The following EPHA5 variants were observed in gnomAD, a reference collection of about 807,000 sequenced individuals.
EPHA5 encodes the protein ephrin type-A receptor 5.
In EPHA5, 60 loss-of-function variants were observed where a neutral mutation model predicts 105.0. The ratio of observed to expected loss-of-function variants is 0.57; its 90% CI spans 0.46 to 0.71. The LOEUF is 0.71. EPHA5 is among the 30% of genes least tolerant of loss of function. The probability of loss-of-function intolerance (pLI) is 0.00; values close to 1 mark genes in which losing one functional copy is unlikely to be tolerated. For missense variants in EPHA5, 1,218 were observed against 1,274.7 expected, an observed-to-expected ratio of 0.96 and a Z score of 0.68; for synonymous variants, 513 against 449.1, an observed-to-expected ratio of 1.14 and a Z score of -1.80.
chr4:65,464,228 A>G (rs1728393355), intron 5 of EPHA5, among the ~76,000 whole-genome samples: 2 of 151,948 alleles, frequency 1.3e-5, no homozygotes, highest in Non-Finnish European at 2.9e-5. Flanking sequence ...TACTCATTAT[A>G]AATAACTAGG....
At chr4:65,500,607 C>A (rs1280530020) in intron 3 of EPHA5, among the ~76,000 whole-genome samples, 2 of 150,170 alleles carry the variant, frequency 1.3e-5, no homozygotes, top group Admixed American at 1.3e-4. Context: ...AATTAAATTT[C>A]TTTTAATGTC....
At chr4:65,427,464 A>G (rs1188137840) in intron 5 of EPHA5, among the ~76,000 whole-genome samples, 1 of 152,152 alleles carries the variant, frequency 6.6e-6, no homozygotes, top group East Asian at 1.9e-4. Context: ...TATAGGCGTG[A>G]GTCACCGCGC....
At chr4:65,628,081 A>T (rs1198981969) in intron 2 of EPHA5, among the ~76,000 whole-genome samples, 2 of 152,056 alleles carry the variant, frequency 1.3e-5, no homozygotes, top group African/African-American at 4.8e-5. Flanking sequence ...TCATAATTTT[A>T]TACCACCTGA....
chr4:65,465,642 G>A (rs552145374), intron 5 of EPHA5, among the ~76,000 whole-genome samples: 3 of 152,208 alleles, frequency 2.0e-5, no homozygotes, highest in East Asian at 1.9e-4. Flanking sequence ...CAAACAAAAA[G>A]CGGAAATAAT....
At chr4:65,444,370 C>G (rs140903315) in intron 5 of EPHA5, among the ~76,000 whole-genome samples, 2 of 152,192 alleles carry the variant, frequency 1.3e-5, no homozygotes, top group East Asian at 3.9e-4. Flanking sequence ...ATTGTAGATA[C>G]AAGTCACTTT....
In EPHA5 at chr4:65,443,931, G is replaced by A. The variant is rs969436168; in HGVS notation, c.1403-23366C>T. Among the ~76,000 whole-genome samples the A allele has an allele frequency of 4.6e-5, 7 of 152,154 alleles. No homozygotes were observed. In the East Asian group the frequency reaches 7.7e-4, roughly 17 times the overall value. Reference sequence around the variant, plus strand: ...TGTGTGTGTGTGTGTGTGTGTGTGCGTGCACGTGTGCACGCGCACATGCGC... The same window carrying A: ...TGTGTGTGTGTGTGTGTGTGTGTGCATGCACGTGTGCACGCGCACATGCGC... On this transcript the variant is annotated intron_variant, in intron 5 of 16. Transcript: ENST00000613740.
Position 65,597,032 on chromosome 4 carries a change from T to C in EPHA5, c.910+4609A>G, listed in dbSNP as rs149182074. 9.3e-4 allele frequency among the ~76,000 whole-genome samples: 142 copies of C among 152,314 alleles called. 2 individuals are homozygous for C. In the East Asian group the frequency reaches 0.024, roughly 25 times the overall value. ...ACTGTTTCTGAATCAAGGCTCTTTC[T>C]TGAATTGGGTATTTTCACTACATTT... On this transcript the variant is annotated intron_variant, in intron 3 of 16. Transcript: ENST00000613740.
rs192125738 is a variant in EPHA5 at position 65,336,588 on chromosome 4, C to T, written c.2596-463G>A. Among the ~76,000 whole-genome samples the T allele has an allele frequency of 5.5e-4, 84 of 152,114 alleles. No homozygotes were observed. The East Asian group carries it at 0.01, about 19-fold the overall frequency. On this transcript the variant is annotated intron_variant, in intron 14 of 16. Transcript: ENST00000613740. ...TAATTTTACTTCAAAAGAGACTTTT[C>T]GATGGTAAATGATGGATAAGTCAAA...
intron 3 of EPHA5, among the ~76,000 whole-genome samples, chr4:65,573,206 T>C (rs1157208048): frequency 3.3e-5 from 5 of 151,556 alleles, no homozygotes; most frequent in Admixed American, 6.6e-5. Context: ...GGTCAGGATA[T>C]AGAGACCATC....
At chr4:65,553,276 C>G (rs1738094149) in intron 3 of EPHA5, among the ~76,000 whole-genome samples, 2 of 152,026 alleles carry the variant, frequency 1.3e-5, no homozygotes, top group African/African-American at 4.8e-5. Context: ...ATTGTGTCAT[C>G]TAAGCCATCT....
At chr4:65,645,247 G>A (rs1340219125) in intron 1 of EPHA5, among the ~76,000 whole-genome samples, 1 of 152,034 alleles carries the variant, frequency 6.6e-6, no homozygotes, top group Non-Finnish European at 1.5e-5. Context: ...CTAGGGCTGT[G>A]TCTAGACATG....
At chr4:65,485,984 C>T (rs909958749) in intron 5 of EPHA5, among the ~76,000 whole-genome samples, 2 of 152,120 alleles carry the variant, frequency 1.3e-5, no homozygotes, top group South Asian at 4.1e-4. Flanking sequence ...TTAAAGCATC[C>T]TTCCTGAAAA....
rs1720527647 is a variant in EPHA5 at position 65,330,694 on chromosome 4, T to A, written c.2945+1279A>T. Reference sequence around the variant, plus strand: ...TGACCATTTTTACTGAAAAATTAAATAGCAATCATGTAAAAATAGTTTTAA... The same window carrying A: ...TGACCATTTTTACTGAAAAATTAAAAAGCAATCATGTAAAAATAGTTTTAA... On this transcript the variant is annotated intron_variant, in intron 16 of 16. Transcript: ENST00000613740. 4.7e-6 allele frequency: 4 copies of A among 848,888 alleles called. No individual in the cohort carries two copies. In the Admixed American group the frequency reaches 2.4e-4, roughly 51 times the overall value. The allele number at this position is 848,888 out of a possible 1,614,324, so 52.6% of individuals were successfully genotyped here.
chr4:65,469,778 CATT>C (rs1729106920), intron 5 of EPHA5, among the ~76,000 whole-genome samples: 4 of 152,218 alleles, frequency 2.6e-5, no homozygotes, highest in African/African-American at 9.6e-5. Context: ...TAATCATCAT[CATT>C]ATCAGCATAA....
At chr4:65,329,941 G>GA (rs1223780089) in intron 16 of EPHA5, among the ~76,000 whole-genome samples, 2 of 150,938 alleles carry the variant, frequency 1.3e-5, no homozygotes, top group Non-Finnish European at 3.0e-5. Flanking sequence ...TCTTACAGTT[G>GA]AAAAAAATGT....
rs1332212361 is a variant in EPHA5 at position 65,323,745 on chromosome 4, G to A, written c.*369C>T. On this transcript the variant is annotated 3_prime_UTR_variant, in exon 17 of 17. Transcript: ENST00000613740. ...ATGGCTATAAAACATTTCCTTTCAA[G>A]TAGATCCCTGGAAGTTTTGAAAGGG... The A allele has an allele frequency of 4.3e-6, 1 of 232,234 alleles. No individual in the cohort carries two copies. The highest frequency in any genetic ancestry group is 8.5e-6 in the Non-Finnish European group (1 of 117,650). 14.4% of individuals were successfully genotyped at this position (232,234 alleles called of 1,614,324 possible). A position where few individuals can be genotyped will look rare whatever the true frequency, so the allele number is the denominator to read the frequency against.
chr4:65,403,750 T>C (rs1722084177), intron 8 of EPHA5, among the ~76,000 whole-genome samples: 1 of 152,120 alleles, frequency 6.6e-6, no homozygotes, highest in South Asian at 2.1e-4. Context: ...AAAATGTAGA[T>C]ATGTAATATA....
chr4:65,331,081 C>G (rs772290172), intron 16 of EPHA5: 9 of 1,042,644 alleles, frequency 8.6e-6, no homozygotes, highest in Non-Finnish European at 1.0e-5. Flanking sequence ...AAAATAACAA[C>G]TATGGTTTAG....
At position 65,472,947 on chromosome 4, in the gene EPHA5, G is replaced by T. The variant is rs576587556; in HGVS notation, c.1402+17430C>A. ...TTTTTCTTTTCTATCACATCATCAG[G>T]CTGCAAATTTTCCAAACTTTTATGC... is the stretch of plus-strand genomic sequence containing the variant. On this transcript the variant is annotated intron_variant, in intron 5 of 16. Coordinates refer to ENST00000613740, the MANE Select transcript of EPHA5 (RefSeq NM_001281766.3). Among the ~76,000 whole-genome samples, 18 of 152,184 alleles carry T rather than the reference G, an allele frequency of 1.2e-4. No homozygotes were observed. The South Asian group carries it at 1.7e-3, about 14-fold the overall frequency.
Sources: allele counts gnomAD v4.1 joint callset (sites outside exome capture counted in the v4.1 genomes callset), GRCh38; gene constraint gnomAD v4.1.1; transcripts MANE v1.5; gene names NCBI Gene and HGNC (gene_info 2026-07-23, HGNC 2026-07-21).